NTM: variants seen among roughly 807,000 people sequenced by gnomAD.
NTM encodes the protein neurotrimin, also known as IgLON family member 2.
NTM carries 13 observed loss-of-function variants against 42.1 expected under a neutral mutation model. The observed-to-expected ratio is 0.31, with a 90% CI of 0.20 to 0.49. The LOEUF (loss-of-function observed/expected upper bound fraction) is 0.49. Among genes scored for constraint, NTM ranks in the 20% least tolerant of loss-of-function variants. The pLI, the probability that NTM is intolerant of heterozygous loss-of-function variation, is 0.99. For missense variants in NTM, 373 were observed against 452.8 expected, an observed-to-expected ratio of 0.82 and a Z score of 1.60; for synonymous variants, 187 against 179.2, an observed-to-expected ratio of 1.04 and a Z score of -0.35.
chr11:131,737,181 T>C (rs545952303), intron 1 of NTM, among the ~76,000 whole-genome samples: 2 of 152,312 alleles, frequency 1.3e-5, no homozygotes, highest in South Asian at 4.1e-4. Flanking sequence ...GAAGAGCTCA[T>C]TTAACGGAAG....
chr11:131,401,018 GA>G lies in NTM; in HGVS notation c.82+30140del, dbSNP rs879694794. ...ACACACACACACACACACAGAAATA[GA>G]AAAAAAAAAGGAGAGTGAGGCATGC... On this transcript the variant is annotated intron_variant, in intron 1 of 8. Coordinates refer to ENST00000683400, the MANE Select transcript of NTM (RefSeq NM_001352005.2). Among the ~76,000 whole-genome samples, 364 of 134,200 alleles carry G rather than the reference GA, an allele frequency of 2.7e-3. 2 individuals are homozygous for G. Among genetic ancestry groups the G allele is most frequent in the African/African-American group, 7.4e-3 (267 of 36,218 alleles). The allele number at this position is 134,200 out of a possible 152,430, so 88.0% of individuals were successfully genotyped here. A position where few individuals can be genotyped will look rare whatever the true frequency, so the allele number is the denominator to read the frequency against.
At chr11:132,031,001 G>T (rs1395626677) in intron 2 of NTM, among the ~76,000 whole-genome samples, 1 of 152,170 alleles carries the variant, frequency 6.6e-6, no homozygotes, top group Non-Finnish European at 1.5e-5. Context: ...TACTCACCCA[G>T]ACCTGGTTGA....
intron 1 of NTM, among the ~76,000 whole-genome samples, chr11:131,696,289 G>T (rs2075434774): frequency 6.6e-6 from 1 of 152,136 alleles, no homozygotes; most frequent in Non-Finnish European, 1.5e-5. Flanking sequence ...AGAGTTGAGT[G>T]CAAGTCCGGG....
intron 3 of NTM, among the ~76,000 whole-genome samples, chr11:132,176,123 TGTTA>T (rs1301492167): frequency 5.9e-5 from 9 of 152,204 alleles, no homozygotes; most frequent in Non-Finnish European, 1.2e-4. Flanking sequence ...TCGATTTTCC[TGTTA>T]GTTAAGTGTA....
At chr11:131,789,533 GAA>G (rs2090209421) in intron 1 of NTM, among the ~76,000 whole-genome samples, 1 of 23,960 alleles carries the variant, frequency 4.2e-5, no homozygotes, top group African/African-American at 2.5e-4. Context: ...AGAAGAAGAA[GAA>G]GAAGAAGAAG....
At chr11:132,026,520 TA>T (rs1420199425) in intron 2 of NTM, among the ~76,000 whole-genome samples, 3 of 152,268 alleles carry the variant, frequency 2.0e-5, no homozygotes, top group Non-Finnish European at 2.9e-5. Flanking sequence ...TCATCAGAGG[TA>T]TTTTTTTTCC....
rs1407591829 is a variant in NTM, at chr11:131,764,321, C to T, written c.83-147243C>T. On this transcript the variant is annotated intron_variant, in intron 1 of 8. Transcript: ENST00000683400. ...ATAGAACACCAGATGGAACCGGTCT[C>T]TTTTGTCCTTTTTTATCAGGCTTGG... 3.9e-5 allele frequency among the ~76,000 whole-genome samples: 6 copies of T among 152,124 alleles called. No individual in the cohort carries two copies. The South Asian group carries it at 1.2e-3, about 32-fold the overall frequency.
intron 3 of NTM, among the ~76,000 whole-genome samples, chr11:132,161,732 C>G (rs1477989828): frequency 6.6e-6 from 1 of 151,986 alleles, no homozygotes; most frequent in Non-Finnish European, 1.5e-5. Context: ...CCCTGTGCAC[C>G]CAGACTGCGA....
intron 1 of NTM, among the ~76,000 whole-genome samples, chr11:131,744,499 A>G (rs1489817897): frequency 6.6e-6 from 1 of 152,176 alleles, no homozygotes; most frequent in Non-Finnish European, 1.5e-5. Flanking sequence ...AGTATCTCCC[A>G]ATTTTAAAAA....
In NTM at chr11:132,180,814, G is replaced by T. The variant is rs944007993; in HGVS notation, c.401-31208G>T. Among the ~76,000 whole-genome samples, 6 of 152,154 alleles carry T rather than the reference G, an allele frequency of 3.9e-5. No individual in the cohort carries two copies. The South Asian group carries it at 1.0e-3, about 26-fold the overall frequency. ...GAATGAAGAACTAAAACCCGGTGAG[G>T]CTCTCCCATCAGATTTTCTTTCCAT... is the stretch of plus-strand genomic sequence containing the variant. On this transcript the variant is annotated intron_variant, in intron 3 of 8. Transcript: ENST00000683400.
chr11:131,594,413 T>A (rs1304504925), intron 1 of NTM, among the ~76,000 whole-genome samples: 1 of 152,112 alleles, frequency 6.6e-6, no homozygotes, highest in Non-Finnish European at 1.5e-5. Context: ...CAATTTTTTT[T>A]AAGACAGGGT....
chr11:131,890,271 C>T (rs1437055315), intron 1 of NTM, among the ~76,000 whole-genome samples: 1 of 152,176 alleles, frequency 6.6e-6, no homozygotes, highest in Non-Finnish European at 1.5e-5. Context: ...CACCATACCC[C>T]CTGGAAACAG....
intron 4 of NTM, among the ~76,000 whole-genome samples, chr11:132,269,075 C>G (rs1173051518): frequency 6.6e-6 from 1 of 152,024 alleles, no homozygotes; most frequent in Admixed American, 6.5e-5. Context: ...CATGTGACCA[C>G]TTTAATTAAA....
At chr11:131,647,753 T>C (rs955288756) in intron 1 of NTM, among the ~76,000 whole-genome samples, 1 of 152,166 alleles carries the variant, frequency 6.6e-6, no homozygotes, top group Non-Finnish European at 1.5e-5. Flanking sequence ...GTCAAAATAT[T>C]ACTGCCCCAG....
chr11:131,822,059 G>C (rs533319649), intron 1 of NTM, among the ~76,000 whole-genome samples: 1 of 152,172 alleles, frequency 6.6e-6, no homozygotes, highest in South Asian at 2.1e-4. Flanking sequence ...GCTCCCTTTA[G>C]GGGTACAAGA....
At chr11:132,062,483 T>C (rs2080836097) in intron 2 of NTM, among the ~76,000 whole-genome samples, 2 of 128,336 alleles carry the variant, frequency 1.6e-5, no homozygotes, top group Admixed American at 8.0e-5. Flanking sequence ...AAGAATATGA[T>C]GGAAGAGATA....
intron 1 of NTM, chr11:131,774,056 C>T: frequency 5.1e-6 from 5 of 983,980 alleles, no homozygotes; most frequent in Non-Finnish European, 6.0e-6. Context: ...ACTTTGCCTT[C>T]CTCTGTTGTT....
At chr11:131,548,146 A>G (rs1422982344) in intron 1 of NTM, among the ~76,000 whole-genome samples, 2 of 152,212 alleles carry the variant, frequency 1.3e-5, no homozygotes, top group Admixed American at 6.5e-5. Context: ...GTTAAATTAG[A>G]TATGCAAAGC....
At position 132,003,071 on chromosome 11, in the gene NTM, A is replaced by G. The variant is rs905813252; in HGVS notation, c.167+91423A>G. Among the ~76,000 whole-genome samples, 7 of 152,128 alleles carry G rather than the reference A, an allele frequency of 4.6e-5. No individual in the cohort carries two copies. Among genetic ancestry groups the G allele is most frequent in the Non-Finnish European group, 1.0e-4 (7 of 68,034 alleles). On this transcript the variant is annotated intron_variant, in intron 2 of 8. Coordinates refer to ENST00000683400, the MANE Select transcript of NTM (RefSeq NM_001352005.2). The surrounding 1 kb of genome is among the most constrained non-coding windows in gnomAD (Gnocchi z 6.0). The stretch of plus-strand genomic sequence containing the variant: ...ACTAGTGAGCGCACTAAACAGTAAG[A>G]TGCGCTGCCACAGTTGTGTGTGTAA...
Sources: gnomAD v4.1 joint callset for allele counts (sites outside exome capture counted in the v4.1 genomes callset) on GRCh38, gnomAD v4.1.1 for gene constraint, Gnocchi (gnomAD v3.1) non-coding constraint, MANE v1.5 for transcripts, NCBI Gene and HGNC (gene_info 2026-07-23, HGNC 2026-07-21) for gene names.